The following WDR26 variants were observed in gnomAD, a reference collection of about 807,000 sequenced individuals.
WDR26 encodes WD repeat domain 26, also known as WD repeat-containing protein 26.
WDR26 carries 5 observed loss-of-function variants against 84.1 expected under a neutral mutation model. The ratio of observed to expected loss-of-function variants is 0.06; its 90% CI spans 0.03 to 0.13. The LOEUF (loss-of-function observed/expected upper bound fraction) is 0.13, where lower values mean the gene tolerates loss of function less well. Ranked by LOEUF, WDR26 falls within the 10% of genes least tolerant of loss-of-function variation. The pLI, the probability that WDR26 is intolerant of heterozygous loss-of-function variation, is 1.00. For synonymous variants in WDR26, 415 were observed against 389.6 expected, an observed-to-expected ratio of 1.07 and a Z score of -0.77; for missense variants, 642 against 974.9, an observed-to-expected ratio of 0.66 and a Z score of 4.55.
Position 224,431,595 on chromosome 1 carries a change from TATAAAA to T in WDR26, c.823-20_823-15del. 1 of 1,612,278 alleles carries T rather than the reference TATAAAA, an allele frequency of 6.2e-7. No homozygotes were observed. The highest frequency in any genetic ancestry group is 2.2e-5 in the East Asian group (1 of 44,832). On this transcript the variant is annotated splice_polypyrimidine_tract_variant and intron_variant, in intron 2 of 13. Coordinates refer to ENST00000414423, the MANE Select transcript of WDR26 (RefSeq NM_001379403.1). ...GTCATTTTCTGCCTGTAAAAATTGG[TATAAAA>T]GAAAAACAGAAATGTCACAAAATGC...
At chr1:224,403,718 C>T (rs1673480535) in intron 8 of WDR26, among the ~76,000 whole-genome samples, 1 of 152,220 alleles carries the variant, frequency 6.6e-6, no homozygotes, top group African/African-American at 2.4e-5. Context: ...AGGCGGATCA[C>T]TTTAGGTGAA....
intron 4 of WDR26, among the ~76,000 whole-genome samples, chr1:224,422,705 ACT>A (rs1329876639): frequency 2.7e-5 from 3 of 112,722 alleles, no homozygotes; most frequent in South Asian, 3.7e-4. Context: ...CAATAGTGAA[ACT>A]CTGTCTCAAA....
At chr1:224,429,490 C>G (rs1674324247) in intron 3 of WDR26, 1 of 152,162 alleles carries the variant, frequency 6.6e-6, no homozygotes, top group African/African-American at 2.4e-5. Context: ...ATATTAGATT[C>G]TCTTCTTCTG....
rs535297334 is a variant in WDR26 at position 224,430,404 on chromosome 1, C to G, written c.927+1073G>C. 6 of 152,030 alleles carry G rather than the reference C, an allele frequency of 3.9e-5. No homozygotes were observed. The South Asian group carries it at 1.2e-3, about 32-fold the overall frequency. The allele number at this position is 152,030 out of a possible 1,614,324, so 9.4% of individuals were successfully genotyped here. A position where few individuals can be genotyped will look rare whatever the true frequency, so the allele number is the denominator to read the frequency against. ...TTAAATGAATTTGCATTTATTCTTG[C>G]TTGTTTGCACCTTTAATTCACCTGA... On this transcript the variant is annotated intron_variant, in intron 3 of 13. Transcript: ENST00000414423.
At chr1:224,427,695 G>A (rs149605152) in intron 3 of WDR26, among the ~76,000 whole-genome samples, 2 of 152,256 alleles carry the variant, frequency 1.3e-5, no homozygotes, top group South Asian at 2.1e-4. Flanking sequence ...AGATCTGTTT[G>A]AAAGAAAATG....
intron 6 of WDR26, among the ~76,000 whole-genome samples, chr1:224,416,448 A>C (rs1043399574): frequency 6.6e-6 from 1 of 151,834 alleles, no homozygotes; most frequent in Non-Finnish European, 1.5e-5. Flanking sequence ...GGATGGTCTC[A>C]ATCTCCTGAC....
intron 1 of WDR26, among the ~76,000 whole-genome samples, 194 bp downstream of exon 1, chr1:224,433,490 C>T (rs1283304910): frequency 6.6e-6 from 1 of 152,102 alleles, no homozygotes; most frequent in African/African-American, 2.4e-5. Context: ...TCCCCTATTT[C>T]CTTTCAGGTC....
At chr1:224,424,135 A>C (rs1178721769) in intron 4 of WDR26, among the ~76,000 whole-genome samples, 1 of 152,224 alleles carries the variant, frequency 6.6e-6, no homozygotes, top group East Asian at 1.9e-4. Context: ...CTGGCACATG[A>C]CAAGTATTCA....
chr1:224,415,277 G>T (rs1050599335), intron 6 of WDR26, among the ~76,000 whole-genome samples: 31 of 152,082 alleles, frequency 2.0e-4, no homozygotes, highest in African/African-American at 6.3e-4. Context: ...AGAGGGAAAG[G>T]AAGTTCTGTT....
Position 224,405,907 on chromosome 1 carries a change from G to T in WDR26, c.1459-1337C>A, listed in dbSNP as rs114294409. 6.7e-3 allele frequency among the ~76,000 whole-genome samples: 1,015 copies of T among 152,314 alleles called. 9 individuals are homozygous for T. Among genetic ancestry groups the T allele is most frequent in the African/African-American group, 0.023 (953 of 41,568 alleles). ...AGTGTGATATTTGGCTTTAGGAAGA[G>T]AACTAGGATAACAATGTGGAAGATG... On this transcript the variant is annotated intron_variant, in intron 7 of 13. Transcript: ENST00000414423.
In WDR26 at chr1:224,418,565, C is replaced by G. The variant is rs988318743; in HGVS notation, c.1163-149G>C. On this transcript the variant is annotated intron_variant, in intron 5 of 13. Transcript: ENST00000414423. The stretch of plus-strand genomic sequence containing the variant: ...AGTTCTGCGTTATGCGATACGTGAG[C>G]TTTACGAATATTTGTCAGCAGCAAT... 8 of 669,956 alleles carry G rather than the reference C, an allele frequency of 1.2e-5. No individual in the cohort carries two copies. The East Asian group carries it at 1.5e-4, about 13-fold the overall frequency. The allele number at this position is 669,956 out of a possible 1,614,324, so 41.5% of individuals were successfully genotyped here. A position where few individuals can be genotyped will look rare whatever the true frequency, so the allele number is the denominator to read the frequency against.
At chr1:224,398,808 A>C in intron 10 of WDR26, 81 bp downstream of exon 10, 1 of 1,561,020 alleles carries the variant, frequency 6.4e-7, no homozygotes, top group Non-Finnish European at 8.7e-7. Context: ...AAAAACATAA[A>C]AACTGTGAAA....
intron 3 of WDR26, among the ~76,000 whole-genome samples, chr1:224,428,195 G>A (rs1674285343): frequency 6.6e-6 from 1 of 152,140 alleles, no homozygotes; most frequent in Admixed American, 6.5e-5. Context: ...ACCCAATACT[G>A]AATTGCTTTA....
chr1:224,419,418 A>T (rs547516491), intron 5 of WDR26, 100 bp downstream of exon 5: 135 of 927,660 alleles, frequency 1.5e-4, no homozygotes, highest in Non-Finnish European at 2.2e-4. Context: ...CACTCAATAA[A>T]AGTATGTCCA....
At chr1:224,413,668 T>C (rs1673801339) in intron 6 of WDR26, among the ~76,000 whole-genome samples, 1 of 152,174 alleles carries the variant, frequency 6.6e-6, no homozygotes, top group South Asian at 2.1e-4. Context: ...TGTACTAAGA[T>C]TTGGACCTAT....
chr1:224,418,494 G>A, intron 5 of WDR26, 78 bp from the exon 6 acceptor site: 1 of 1,369,540 alleles, frequency 7.3e-7, no homozygotes, highest in African/African-American at 1.5e-5. Context: ...CTCATCTTCT[G>A]CTGTACTTGT....
chr1:224,402,411 GA>G (rs1673444207), intron 8 of WDR26, among the ~76,000 whole-genome samples: 1 of 152,304 alleles, frequency 6.6e-6, no homozygotes, highest in South Asian at 2.1e-4. Flanking sequence ...TCTGAAGGCA[GA>G]AATGGTTTGT....
intron 13 of WDR26, among the ~76,000 whole-genome samples, chr1:224,390,542 A>AT (rs1379674062): frequency 2.0e-5 from 3 of 152,254 alleles, no homozygotes; most frequent in African/African-American, 7.2e-5. Context: ...ATAACGTGTT[A>AT]TAACTATGGA....
intron 3 of WDR26, among the ~76,000 whole-genome samples, chr1:224,428,806 T>G (rs576651600): frequency 2.2e-4 from 33 of 150,748 alleles, no homozygotes; most frequent in Non-Finnish European, 3.8e-4. Context: ...CTTGGGAGGC[T>G]GAGGCAGGAG....
Sources: gnomAD v4.1 joint callset for allele counts (sites outside exome capture counted in the v4.1 genomes callset) on GRCh38, gnomAD v4.1.1 for gene constraint, MANE v1.5 for transcripts, NCBI Gene and HGNC (gene_info 2026-07-23, HGNC 2026-07-21) for gene names.